RNLS: variants seen among roughly 807,000 people sequenced by gnomAD.
RNLS encodes renalase.
RNLS carries 39 observed loss-of-function variants against 39.8 expected under a neutral mutation model. The observed-to-expected ratio is 0.98, with a 90% confidence interval of 0.76 to 1.28. The LOEUF (loss-of-function observed/expected upper bound fraction) is 1.28, where lower values mean the gene tolerates loss of function less well. Ranked by LOEUF, RNLS falls within the 50% of genes most tolerant of loss-of-function variation. The pLI, the probability that RNLS is intolerant of heterozygous loss-of-function variation, is 0.00. For missense variants in RNLS, 410 were observed against 413.3 expected, an observed-to-expected ratio of 0.99 and a Z score of 0.07; for synonymous variants, 147 against 150.7, an observed-to-expected ratio of 0.98 and a Z score of 0.18.
At chr10:88,252,949 G>A in the RNLS span, among the ~76,000 whole-genome samples, 1 of 152,204 alleles carries the variant, frequency 6.6e-6, no homozygotes, top group Non-Finnish European at 1.5e-5. Flanking sequence ...TTTCAATTAA[G>A]GCAATAGTCA....
chr10:88,415,701 T>G (rs560956228), intron 4 of RNLS, among the ~76,000 whole-genome samples: 1 of 152,298 alleles, frequency 6.6e-6, no homozygotes, highest in South Asian at 2.1e-4. Context: ...GAGATATGCA[T>G]GTATGCTTCT....
rs747214534 is a variant in RNLS, at chr10:88,581,695, A to G, written c.239T>C (p.Leu80Pro). The G allele has an allele frequency of 2.1e-5, 33 of 1,571,880 alleles. No individual in the cohort carries two copies. The East Asian group carries it at 7.4e-4, about 35-fold the overall frequency. Residue 80 changes from leucine to proline, a missense_variant, in exon 3 of 7, where the codon CTG (leucine) becomes CCG (proline). Transcript: ENST00000331772. ...AKKHQRFYDE[L>P]LAYGVLRPLS... ...AGGCCTCAAAACGCCATAGGCTAAC[A>G]GTTCATCATAAAAACTGAAATAAAT...
downstream of RNLS, among the ~76,000 whole-genome samples, chr10:88,269,997 G>A (rs1475996661): frequency 3.3e-5 from 5 of 152,114 alleles, no homozygotes; most frequent in East Asian, 3.9e-4. Context: ...CCAGGCGTGC[G>A]TGACCACGCC....
At chr10:88,561,313 C>T (rs768494635) in intron 4 of RNLS, among the ~76,000 whole-genome samples, 2 of 152,032 alleles carry the variant, frequency 1.3e-5, no homozygotes, top group Non-Finnish European at 2.9e-5. Context: ...CTTAAAACCA[C>T]AAATTGATTA....
At chr10:88,424,058 A>T (rs1484607649) in intron 4 of RNLS, among the ~76,000 whole-genome samples, 3 of 151,906 alleles carry the variant, frequency 2.0e-5, no homozygotes, top group East Asian at 3.9e-4. Context: ...GCCCTCCCTT[A>T]CCCTGTTATA....
At chr10:88,207,418 T>C in the RNLS span, among the ~76,000 whole-genome samples, 4 of 151,834 alleles carry the variant, frequency 2.6e-5, no homozygotes, top group African/African-American at 9.7e-5. Context: ...AATAAACACA[T>C]AAAAAGACAC....
chr10:88,323,327 G>A (rs754634848), intron 5 of RNLS, among the ~76,000 whole-genome samples: 2 of 152,100 alleles, frequency 1.3e-5, no homozygotes, highest in African/African-American at 4.8e-5. Context: ...AACAAGGCTG[G>A]AGGCATCACA....
intron 5 of RNLS, among the ~76,000 whole-genome samples, chr10:88,336,182 C>G (rs988054185): frequency 1.3e-5 from 2 of 152,162 alleles, no homozygotes; most frequent in East Asian, 3.8e-4. Context: ...ACTTTTCTAT[C>G]ATTGAGGTGG....
At position 88,545,220 on chromosome 10, in the gene RNLS, A is replaced by T. The variant is rs2134303521; in HGVS notation, c.526+27683T>A. ...AACTACTAAGATTTTCCCTTATCTT[A>T]TCTTGGAAGTTTTATCTTCCCTTTT... is the stretch of plus-strand genomic sequence containing the variant. On this transcript the variant is annotated intron_variant, in intron 4 of 6. Coordinates refer to ENST00000331772, the MANE Select transcript of RNLS (RefSeq NM_001031709.3). 1.3e-5 allele frequency among the ~76,000 whole-genome samples: 2 copies of T among 152,310 alleles called. 1 individual carries two copies. Among genetic ancestry groups the T allele is most frequent in the Middle Eastern group, 6.8e-3 (2 of 294 alleles).
chr10:88,386,916 C>T (rs957342233), intron 4 of RNLS, among the ~76,000 whole-genome samples: 2 of 152,152 alleles, frequency 1.3e-5, no homozygotes, highest in African/African-American at 4.8e-5. Context: ...TTTTGTAAAG[C>T]CCAGTGAGGT....
the RNLS span, among the ~76,000 whole-genome samples, chr10:88,253,913 G>A: frequency 1.3e-5 from 2 of 152,282 alleles, no homozygotes; most frequent in Non-Finnish European, 2.9e-5. Context: ...AATCTTTGTA[G>A]GAGCTTTCCA....
the RNLS span, among the ~76,000 whole-genome samples, chr10:88,205,319 TA>T: frequency 1.3e-5 from 2 of 152,122 alleles, no homozygotes; most frequent in Non-Finnish European, 2.9e-5. Flanking sequence ...AACTAATTTT[TA>T]TCCTGAAGTG....
chr10:88,250,381 A>AT, the RNLS span, among the ~76,000 whole-genome samples: 2 of 152,252 alleles, frequency 1.3e-5, no homozygotes, highest in African/African-American at 4.8e-5. Context: ...CTTTATAAAG[A>AT]TTTTGACCCC....
At chr10:88,451,762 A>G (rs1165440014) in intron 4 of RNLS, among the ~76,000 whole-genome samples, 1 of 152,150 alleles carries the variant, frequency 6.6e-6, no homozygotes, top group Non-Finnish European at 1.5e-5. Context: ...TAAAACAAGT[A>G]ACTTGACCCT....
At chr10:88,240,060 A>T in the RNLS span, among the ~76,000 whole-genome samples, 1 of 152,264 alleles carries the variant, frequency 6.6e-6, no homozygotes, top group Non-Finnish European at 1.5e-5. Flanking sequence ...ATAGAGCAAG[A>T]TGTAAGGAAA....
At chr10:88,524,986 T>C (rs1204297072) in intron 4 of RNLS, among the ~76,000 whole-genome samples, 12 of 134,178 alleles carry the variant, frequency 8.9e-5, no homozygotes, top group African/African-American at 3.0e-4. Context: ...TATATATATA[T>C]ATATATATAT....
chr10:88,389,944 T>C (rs961910321), intron 4 of RNLS, among the ~76,000 whole-genome samples: 1 of 152,198 alleles, frequency 6.6e-6, no homozygotes, highest in African/African-American at 2.4e-5. Flanking sequence ...CACTGACTAA[T>C]TAGGTATTAT....
At chr10:88,382,258 T>C (rs567403796) in intron 4 of RNLS, among the ~76,000 whole-genome samples, 13 of 152,204 alleles carry the variant, frequency 8.5e-5, no homozygotes, top group Middle Eastern at 6.8e-3. Flanking sequence ...TACAGTGGAG[T>C]GTAGATGACT....
intron 4 of RNLS, among the ~76,000 whole-genome samples, chr10:88,436,327 G>A (rs540779482): frequency 2.0e-5 from 3 of 152,052 alleles, no homozygotes; most frequent in Non-Finnish European, 1.5e-5. Context: ...AGACTCATCC[G>A]GCAGCCTCTT....
Sources: allele counts gnomAD v4.1 joint callset (sites outside exome capture counted in the v4.1 genomes callset), GRCh38; gene constraint gnomAD v4.1.1; transcripts MANE v1.5; gene names NCBI Gene and HGNC (gene_info 2026-07-23, HGNC 2026-07-21).